MSH3: variants seen among roughly 807,000 people sequenced by gnomAD.
MSH3 encodes the protein mutS homolog 3, also known as DNA mismatch repair protein Msh3.
In MSH3, 106 loss-of-function variants were observed where a neutral mutation model predicts 123.3. That is an observed-to-expected ratio of 0.86 (90% confidence interval 0.73 to 1.01). The LOEUF is 1.01. MSH3 is among the 50% of genes least tolerant of loss of function. The pLI is 0.00. For missense variants in MSH3, 1,459 were observed against 1,347.6 expected (o/e 1.08, Z -1.29); for synonymous variants, 515 against 481.4 (o/e 1.07, Z -0.91).
chr5:80,824,430 C>G (rs546526453), intron 20 of MSH3, among the ~76,000 whole-genome samples: 191 of 151,308 alleles, frequency 1.3e-3, no homozygotes, highest in African/African-American at 4.5e-3. Context: ...GGGCGGCTGG[C>G]CGGGCGGGGG....
chr5:80,855,141 C>G (rs1163161680), intron 21 of MSH3, among the ~76,000 whole-genome samples: 1 of 152,052 alleles, frequency 6.6e-6, no homozygotes, highest in East Asian at 1.9e-4. Context: ...CTAACTCTCT[C>G]CTTTAGTTTA....
intron 13 of MSH3, among the ~76,000 whole-genome samples, chr5:80,766,283 C>CT (rs1433600847): frequency 7.0e-6 from 1 of 143,166 alleles, no homozygotes; most frequent in Non-Finnish European, 1.5e-5. Flanking sequence ...TATTTGTTTA[C>CT]TTTATAGCTT....
At chr5:80,767,507 T>C (rs182850712) in intron 13 of MSH3, among the ~76,000 whole-genome samples, 43 of 152,306 alleles carry the variant, frequency 2.8e-4, no homozygotes, top group African/African-American at 9.1e-4. Flanking sequence ...TTCTATGAGC[T>C]GCATATTCAG....
intron 1 of MSH3, 33 bp from the exon 2 acceptor site, chr5:80,656,378 A>G: frequency 6.2e-7 from 1 of 1,613,532 alleles, no homozygotes; most frequent in Admixed American, 1.7e-5. Context: ...CAGAGTAGAG[A>G]TAACACATCA....
At chr5:80,824,308 G>A (rs974595716) in intron 20 of MSH3, among the ~76,000 whole-genome samples, 4 of 151,812 alleles carry the variant, frequency 2.6e-5, no homozygotes, top group South Asian at 2.1e-4. Context: ...ACGGGGTGGC[G>A]GCTGGGCGGA....
intron 12 of MSH3, among the ~76,000 whole-genome samples, chr5:80,754,500 T>C (rs968413534): frequency 1.3e-5 from 2 of 152,192 alleles, no homozygotes; most frequent in Admixed American, 1.3e-4. Flanking sequence ...GAGGAAGAGA[T>C]ACAAGTAGTG....
chr5:80,863,414 T>C lies in MSH3; in HGVS notation c.3001-1399T>C, dbSNP rs148923696. Among the ~76,000 whole-genome samples the C allele has an allele frequency of 4.9e-3, 746 of 152,256 alleles. 6 individuals carry two copies. Among genetic ancestry groups the C allele is most frequent in the African/African-American group, 0.017 (694 of 41,546 alleles). On this transcript the variant is annotated intron_variant, in intron 21 of 23. Coordinates refer to ENST00000265081, the MANE Select transcript of MSH3 (RefSeq NM_002439.5). Reference sequence around the variant, plus strand: ...GGCCGGGTGCAGTGGCTCACACCTGTAATCCCAGCACTCTGGGAGGCCAAG... The same window carrying C: ...GGCCGGGTGCAGTGGCTCACACCTGCAATCCCAGCACTCTGGGAGGCCAAG...
intron 19 of MSH3, among the ~76,000 whole-genome samples, chr5:80,796,135 C>T (rs1168373019): frequency 6.6e-6 from 1 of 152,022 alleles, no homozygotes; most frequent in Admixed American, 6.5e-5. Context: ...AAAATAATTT[C>T]CTGTTACTGT....
intron 8 of MSH3, among the ~76,000 whole-genome samples, chr5:80,679,989 C>T (rs753731002): frequency 4.6e-5 from 7 of 151,934 alleles, no homozygotes; most frequent in Non-Finnish European, 8.8e-5. Context: ...AGGCCAGGCA[C>T]GGTGGCTCAC....
chr5:80,771,167 A>G (rs1205175967), intron 15 of MSH3, among the ~76,000 whole-genome samples: 2 of 152,204 alleles, frequency 1.3e-5, no homozygotes, highest in Non-Finnish European at 2.9e-5. Flanking sequence ...GGAATTCTAA[A>G]TATTCAAAAT....
intron 8 of MSH3, among the ~76,000 whole-genome samples, chr5:80,698,288 A>G (rs1475667334): frequency 6.6e-6 from 1 of 152,200 alleles, no homozygotes; most frequent in Non-Finnish European, 1.5e-5. Context: ...ACAGTCATTC[A>G]TTTATTCATC....
At chr5:80,741,603 A>G (rs1286795070) in intron 11 of MSH3, 55 bp downstream of exon 11, 1 of 1,231,410 alleles carries the variant, frequency 8.1e-7, no homozygotes, top group Non-Finnish European at 1.2e-6. Context: ...AAAACTTCTG[A>G]GTAAGGCAGC....
intron 13 of MSH3, among the ~76,000 whole-genome samples, chr5:80,762,778 T>TTTTTA (rs573087291): frequency 0.53 from 65,710 of 124,694 alleles, 16,597 homozygotes; most frequent in Non-Finnish European, 0.58. Context: ...TTATTTTAAT[T>TTTTTA]TTTTATTTTA....
chr5:80,778,649 T>C, intron 16 of MSH3, 71 bp from the exon 17 acceptor site: 1 of 856,746 alleles, frequency 1.2e-6, no homozygotes, highest in South Asian at 1.3e-5. Flanking sequence ...ATAACTAATT[T>C]TCTAAAGTGA....
intron 10 of MSH3, among the ~76,000 whole-genome samples, chr5:80,730,239 C>G (rs755727895): frequency 6.6e-6 from 1 of 152,118 alleles, no homozygotes; most frequent in African/African-American, 2.4e-5. Context: ...ATTTCATGAA[C>G]AGTATATTAA....
In MSH3 at chr5:80,768,815, T is replaced by C; in HGVS notation, c.2085-20T>C. 1 of 1,579,352 alleles carries C rather than the reference T, an allele frequency of 6.3e-7. No individual in the cohort carries two copies. The highest frequency in any genetic ancestry group is 8.7e-7 in the Non-Finnish European group (1 of 1,150,386). On this transcript the variant is annotated intron_variant, in intron 14 of 23. Transcript: ENST00000265081. ...AATTAATAAACTTCGAATATGTATT[T>C]GCATGTTTTGATTTTTTAGAGTTGG...
intron 20 of MSH3, among the ~76,000 whole-genome samples, chr5:80,846,174 G>A (rs1444791344): frequency 6.6e-6 from 1 of 152,132 alleles, no homozygotes; most frequent in Admixed American, 6.5e-5. Context: ...CTGCAGGTCT[G>A]TTGGGGTTTG....
intron 1 of MSH3, among the ~76,000 whole-genome samples, chr5:80,655,743 G>C (rs1749265553): frequency 6.6e-6 from 1 of 152,092 alleles, no homozygotes; most frequent in South Asian, 2.1e-4. Flanking sequence ...TGGCAGCTTG[G>C]GTGCTTCAAA....
chr5:80,693,610 T>TAC (rs1300450910), intron 8 of MSH3, among the ~76,000 whole-genome samples: 8 of 129,382 alleles, frequency 6.2e-5, no homozygotes, highest in African/African-American at 2.5e-4. Flanking sequence ...CATACATATA[T>TAC]ACACACACAC....
Sources: gnomAD v4.1 joint callset for allele counts (sites outside exome capture counted in the v4.1 genomes callset) on GRCh38, gnomAD v4.1.1 for gene constraint, MANE v1.5 for transcripts, NCBI Gene and HGNC (gene_info 2026-07-23, HGNC 2026-07-21) for gene names.